PDE3A: variants seen among roughly 807,000 people sequenced by gnomAD.
PDE3A encodes the protein cGMP-inhibited 3',5'-cyclic phosphodiesterase 3A.
PDE3A carries 43 observed loss-of-function variants against 98.3 expected under a neutral mutation model. That is an observed-to-expected ratio of 0.44 (90% CI 0.34 to 0.56). PDE3A has a LOEUF of 0.56. PDE3A is among the 20% of genes least tolerant of loss of function. The pLI, the probability that PDE3A is intolerant of heterozygous loss-of-function variation, is 0.01. For missense variants in PDE3A, 1,427 were observed against 1,440.7 expected, an observed-to-expected ratio of 0.99 and a Z score of 0.15; for synonymous variants, 663 against 567.9, an observed-to-expected ratio of 1.17 and a Z score of -2.38.
At chr12:20,635,611 G>T in intron 8 of PDE3A, among the ~76,000 whole-genome samples, 1 of 150,452 alleles carries the variant, frequency 6.6e-6, no homozygotes, top group African/African-American at 2.4e-5. Flanking sequence ...AAATTACCCA[G>T]GCATGGTGGC....
At chr12:20,658,096 A>G (rs1945082930) in intron 15 of PDE3A, among the ~76,000 whole-genome samples, 1 of 152,230 alleles carries the variant, frequency 6.6e-6, no homozygotes, top group South Asian at 2.1e-4. Flanking sequence ...ATAGACAAGT[A>G]GAGATAGAAG....
chr12:20,492,458 C>T (rs923749397), intron 1 of PDE3A, among the ~76,000 whole-genome samples: 1 of 151,974 alleles, frequency 6.6e-6, no homozygotes, highest in African/African-American at 2.4e-5. Flanking sequence ...ACTCAGGGGT[C>T]ATTGAAGACT....
At chr12:20,437,155 A>G (rs1217362996) in intron 1 of PDE3A, among the ~76,000 whole-genome samples, 1 of 152,092 alleles carries the variant, frequency 6.6e-6, no homozygotes, top group Non-Finnish European at 1.5e-5. Context: ...AGAGTGTTGG[A>G]TGATGTGAAA....
intron 1 of PDE3A, among the ~76,000 whole-genome samples, chr12:20,463,931 G>A (rs927618272): frequency 5.3e-5 from 8 of 152,082 alleles, no homozygotes; most frequent in Non-Finnish European, 8.8e-5. Context: ...ACAAAACGAA[G>A]ACCATATGGT....
At position 20,646,680 on chromosome 12, in the gene PDE3A, A is replaced by G. The variant is rs915967720; in HGVS notation, c.2366-71A>G. On this transcript the variant is annotated intron_variant, in intron 11 of 15. Coordinates refer to ENST00000359062, the MANE Select transcript of PDE3A (RefSeq NM_000921.5). The stretch of plus-strand genomic sequence containing the variant: ...TTTTTGTTTTTGTTTTTTTTCAAAA[A>G]GAAAGAAGTCAAGACAAATAATGTC... 28 of 1,433,478 alleles carry G rather than the reference A, an allele frequency of 2.0e-5. No individual in the cohort carries two copies. The Admixed American group carries it at 4.9e-4, about 25-fold the overall frequency. The allele number at this position is 1,433,478 out of a possible 1,614,324, so 88.8% of individuals were successfully genotyped here.
intron 1 of PDE3A, among the ~76,000 whole-genome samples, chr12:20,545,777 C>CAAAAAAAAA (rs5796868): frequency 2.8e-5 from 4 of 141,128 alleles, no homozygotes; most frequent in South Asian, 2.3e-4. Context: ...TAGTGGCTGC[C>CAAAAAAAAA]AAAAAAAAAA....
intron 1 of PDE3A, among the ~76,000 whole-genome samples, chr12:20,404,568 T>A (rs1314807651): frequency 2.6e-5 from 4 of 152,176 alleles, no homozygotes; most frequent in Non-Finnish European, 5.9e-5. Context: ...TAAACTTTTT[T>A]ATTGATTTAT....
At position 20,369,642 on chromosome 12, in the gene PDE3A, C is replaced by A; in HGVS notation, c.358C>A (p.Pro120Thr). 2 of 1,596,544 alleles carry A rather than the reference C, an allele frequency of 1.3e-6. No individual in the cohort carries two copies. Among genetic ancestry groups the A allele is most frequent in the Non-Finnish European group, 8.5e-7 (1 of 1,172,328 alleles). The change falls in exon 1 of 16, where the codon CCC (proline) becomes ACC (threonine). Residue 120 changes from proline (P) to threonine (T), a missense_variant. Physicochemically the swap from Pro to Thr is conservative, Grantham distance 38. Transcript: ENST00000359062. The stretch of plus-strand genomic sequence containing the variant: ...CTTCCCGGGGCCTCGGGGAGGTGCT[C>A]CCGGGGGCGGTGCGCGGCTCAGCCC... Reference protein sequence around the residue: ...GVFPGPRGGAPGGGARLSPWL... With the variant: ...GVFPGPRGGATGGGARLSPWL...
chr12:20,552,881 C>G lies in PDE3A; in HGVS notation c.961-3779C>G. 1 of 1,613,012 alleles carries G rather than the reference C, an allele frequency of 6.2e-7. No individual in the cohort carries two copies. The highest frequency in any genetic ancestry group is 1.3e-5 in the African/African-American group (1 of 75,032). On this transcript the variant is annotated intron_variant, in intron 1 of 15. Transcript: ENST00000359062. This position sits in a 1 kb window ranked among gnomAD's most constrained non-coding sequence, Gnocchi z 5.1. ...GTGTGCAAGGACTGCCTGGACAGAT[C>G]CTTTCGGGCACAGGTGTTCAGCTGC...
chr12:20,465,699 G>A (rs1029945879), intron 1 of PDE3A, among the ~76,000 whole-genome samples: 23 of 152,100 alleles, frequency 1.5e-4, no homozygotes, highest in African/African-American at 4.3e-4. Context: ...AGGAGCCACC[G>A]TGCCCAGCCA....
chr12:20,556,329 G>C (rs1269629793), intron 1 of PDE3A, among the ~76,000 whole-genome samples: 3 of 151,904 alleles, frequency 2.0e-5, no homozygotes, highest in Non-Finnish European at 2.9e-5. Context: ...CATTTACCCA[G>C]AATATTTTCT....
intron 1 of PDE3A, among the ~76,000 whole-genome samples, chr12:20,493,707 C>T (rs992507655): frequency 3.3e-5 from 5 of 152,206 alleles, no homozygotes; most frequent in Admixed American, 2.6e-4. Context: ...CTAAGCTCAC[C>T]GCAGCCTCCG....
chr12:20,485,860 TAAAAC>T (rs374003044), intron 1 of PDE3A, among the ~76,000 whole-genome samples: 60 of 152,214 alleles, frequency 3.9e-4, no homozygotes, highest in Non-Finnish European at 4.1e-4. Context: ...TAGCAAAAAA[TAAAAC>T]AAAACTGTAA....
At chr12:20,642,364 G>T (rs1944664433) in intron 10 of PDE3A, among the ~76,000 whole-genome samples, 2 of 152,084 alleles carry the variant, frequency 1.3e-5, no homozygotes, top group African/African-American at 4.8e-5. Context: ...AAGAAATATG[G>T]TCAACTCAAT....
chr12:20,593,322 C>A (rs375912744), intron 2 of PDE3A, among the ~76,000 whole-genome samples: 2 of 152,030 alleles, frequency 1.3e-5, no homozygotes, highest in Admixed American at 6.6e-5. Flanking sequence ...TGGAAAAGGG[C>A]GGCGGGTTAA....
chr12:20,422,117 T>C (rs11513377), intron 1 of PDE3A, among the ~76,000 whole-genome samples: 24,342 of 152,068 alleles, frequency 0.16, 2,157 homozygotes, highest in Admixed American at 0.26. Flanking sequence ...GAGGCCGAGG[T>C]GGGCGGATCA....
chr12:20,464,985 A>G (rs551748580), intron 1 of PDE3A, among the ~76,000 whole-genome samples: 37 of 152,328 alleles, frequency 2.4e-4, no homozygotes, highest in African/African-American at 8.9e-4. Context: ...AAGCAGTTAC[A>G]TATGAGAATA....
intron 4 of PDE3A, among the ~76,000 whole-genome samples, chr12:20,617,248 T>C (rs1217172407): frequency 6.6e-6 from 1 of 152,150 alleles, no homozygotes; most frequent in Non-Finnish European, 1.5e-5. Context: ...ACCACCATAC[T>C]GAGACTAATA....
chr12:20,371,612 TA>T (rs1445441829), intron 1 of PDE3A: 1 of 182,756 alleles, frequency 5.5e-6, no homozygotes, highest in East Asian at 1.9e-4. Flanking sequence ...TGTTTGACAT[TA>T]TTGAGCAGAG....
Sources: allele counts gnomAD v4.1 joint callset (sites outside exome capture counted in the v4.1 genomes callset), GRCh38; gene constraint gnomAD v4.1.1; non-coding constraint Gnocchi (gnomAD v3.1); transcripts MANE v1.5; gene names NCBI Gene and HGNC (gene_info 2026-07-23, HGNC 2026-07-21).